Variants in PALS2 observed in about 807,000 individuals in gnomAD.
PALS2 encodes protein associated with LIN7 2, MAGUK p55 family member, also known as protein PALS2.
PALS2 carries 27 observed loss-of-function variants against 61.6 expected under a neutral mutation model. That is an observed-to-expected ratio of 0.44 (90% CI 0.32 to 0.60). The LOEUF (loss-of-function observed/expected upper bound fraction) is 0.60. Ranked by LOEUF, PALS2 falls within the 20% of genes least tolerant of loss-of-function variation. The pLI is 0.05. For synonymous variants in PALS2, 236 were observed against 218.6 expected, an observed-to-expected ratio of 1.08 and a Z score of -0.70; for missense variants, 554 against 639.4, an observed-to-expected ratio of 0.87 and a Z score of 1.44.
rs1468182748 is a variant in PALS2 at position 24,596,527 on chromosome 7, G to A, written c.-3+22934G>A. 6.6e-6 allele frequency among the ~76,000 whole-genome samples: 1 copy of A among 151,986 alleles called. No homozygotes were observed. The highest frequency in any genetic ancestry group is 2.4e-5 in the African/African-American group (1 of 41,376). The stretch of plus-strand genomic sequence containing the variant: ...TTTCACATTTATGAATGTTTATTAG[G>A]TGTGTAAAACATTTTCAAACAATTT... On this transcript the variant is annotated intron_variant, in intron 1 of 11. Coordinates refer to ENST00000222644, the MANE Select transcript of PALS2 (RefSeq NM_001303037.2). The surrounding 1 kb of genome is among the most constrained non-coding windows in gnomAD (Gnocchi z 4.5).
At chr7:24,609,986 A>G (rs192487906) in intron 1 of PALS2, among the ~76,000 whole-genome samples, 2 of 152,058 alleles carry the variant, frequency 1.3e-5, no homozygotes, top group Non-Finnish European at 2.9e-5. Context: ...TGTTTTTAAG[A>G]TGAATTCAGT....
intron 6 of PALS2, among the ~76,000 whole-genome samples, chr7:24,664,567 T>TA (rs1166950762): frequency 6.6e-6 from 1 of 152,182 alleles, no homozygotes; most frequent in African/African-American, 2.4e-5. Context: ...TAACTCACAT[T>TA]AGCTCTAAAT....
In PALS2 at chr7:24,641,946, T is replaced by C. The variant is rs915284067; in HGVS notation, c.270+78T>C. ...TCCTTTACTTTCCAGTTTAAGGTGA[T>C]GTTTTCTTCAAAGATTATTTAGGGC... On this transcript the variant is annotated intron_variant, in intron 3 of 11. Coordinates refer to ENST00000222644, the MANE Select transcript of PALS2 (RefSeq NM_001303037.2). 5 of 1,460,730 alleles carry C rather than the reference T, an allele frequency of 3.4e-6. No individual in the cohort carries two copies. The African/African-American group carries it at 7.1e-5, about 21-fold the overall frequency. 90.5% of individuals were successfully genotyped at this position (1,460,730 alleles called of 1,614,324 possible).
At chr7:24,583,449 T>A (rs1476892891) in intron 1 of PALS2, among the ~76,000 whole-genome samples, 6 of 152,148 alleles carry the variant, frequency 3.9e-5, no homozygotes, top group Non-Finnish European at 8.8e-5. Context: ...ATTAAAATGT[T>A]AGATTATCAT....
At chr7:24,600,199 G>C (rs992167919) in intron 1 of PALS2, among the ~76,000 whole-genome samples, 3 of 152,098 alleles carry the variant, frequency 2.0e-5, no homozygotes, top group Non-Finnish European at 1.5e-5. Flanking sequence ...TTTCAAACTT[G>C]TTAAGCAGCT....
chr7:24,631,621 C>A (rs1476859786), intron 2 of PALS2, among the ~76,000 whole-genome samples: 1 of 152,124 alleles, frequency 6.6e-6, no homozygotes, highest in Non-Finnish European at 1.5e-5. Flanking sequence ...AACAACATTG[C>A]ATGCTATGGA....
intron 1 of PALS2, among the ~76,000 whole-genome samples, chr7:24,581,063 A>T (rs2529038): frequency 0.4 from 61,261 of 152,028 alleles, 14,326 homozygotes; most frequent in East Asian, 0.73. Flanking sequence ...AAATCAGTAT[A>T]ATTGGGCCAA....
chr7:24,640,136 T>C (rs1785449060), intron 2 of PALS2, among the ~76,000 whole-genome samples: 1 of 152,020 alleles, frequency 6.6e-6, no homozygotes, highest in Non-Finnish European at 1.5e-5. Context: ...CTAAATCTCA[T>C]AAAACTTCTT....
chr7:24,574,585 T>C (rs557451504), intron 1 of PALS2, among the ~76,000 whole-genome samples: 1 of 152,160 alleles, frequency 6.6e-6, no homozygotes, highest in Non-Finnish European at 1.5e-5. Flanking sequence ...CAGAAAATTC[T>C]CCGCATTACT....
intron 1 of PALS2, among the ~76,000 whole-genome samples, chr7:24,574,447 C>T (rs944674317): frequency 6.6e-6 from 1 of 151,910 alleles, no homozygotes; most frequent in East Asian, 1.9e-4. Flanking sequence ...GGAGTTTATT[C>T]TCAATCCTAC....
At chr7:24,624,597 A>AGAT (rs1235854387) in intron 2 of PALS2, among the ~76,000 whole-genome samples, 1 of 98,440 alleles carries the variant, frequency 1.0e-5, no homozygotes, top group African/African-American at 6.2e-5. Flanking sequence ...TTAATGATGC[A>AGAT]GATTCTTCTT....
At chr7:24,680,217 A>T (rs1261300119) in intron 10 of PALS2, among the ~76,000 whole-genome samples, 175 bp from the exon 11 acceptor site, 1 of 152,232 alleles carries the variant, frequency 6.6e-6, no homozygotes. Flanking sequence ...AAATAAATGG[A>T]TCACTGTTTT....
At chr7:24,643,493 CTTTT>C (rs369186559) in intron 3 of PALS2, among the ~76,000 whole-genome samples, 1 of 152,066 alleles carries the variant, frequency 6.6e-6, no homozygotes, top group Middle Eastern at 3.2e-3. Flanking sequence ...TTAACTTACT[CTTTT>C]TTTAAGTTAT....
At position 24,691,395 on chromosome 7, in the gene PALS2, G is replaced by GTGTT. The variant is rs1367657209; in HGVS notation, c.*3784_*3785insTTGT. 2.9e-4 allele frequency: 32 copies of GTGTT among 111,852 alleles called. No homozygotes were observed. Among genetic ancestry groups the GTGTT allele is most frequent in the African/African-American group, 9.1e-4 (30 of 33,010 alleles). The allele number at this position is 111,852 out of a possible 1,614,324, so 6.9% of individuals were successfully genotyped here. On this transcript the variant is annotated 3_prime_UTR_variant, in exon 12 of 12. Transcript: ENST00000222644. ...GAGTTGCCATATATTATGTATGTGT[G>GTGTT]TGTGTGTGTGTATATATATATATAT...
At chr7:24,641,650 A>G (rs932708692) in intron 2 of PALS2, 66 bp from the exon 3 acceptor site, 3 of 1,369,940 alleles carry the variant, frequency 2.2e-6, no homozygotes, top group African/African-American at 2.9e-5. Flanking sequence ...CGAAAAAGAA[A>G]TAAACCATGG....
At chr7:24,580,678 G>A (rs900992203) in intron 1 of PALS2, among the ~76,000 whole-genome samples, 6 of 152,128 alleles carry the variant, frequency 3.9e-5, no homozygotes, top group Non-Finnish European at 7.4e-5. Flanking sequence ...TATACAACTG[G>A]CAAGTACACT....
At chr7:24,624,571 T>G (rs1784654162) in intron 2 of PALS2, among the ~76,000 whole-genome samples, 1 of 151,424 alleles carries the variant, frequency 6.6e-6, no homozygotes, top group South Asian at 2.1e-4. Context: ...CAAGGTTTTC[T>G]ATTAGTGAGA....
At chr7:24,611,805 A>G (rs1214512519) in intron 1 of PALS2, among the ~76,000 whole-genome samples, 1 of 151,850 alleles carries the variant, frequency 6.6e-6, no homozygotes, top group Non-Finnish European at 1.5e-5. Flanking sequence ...GGGCTGGGGT[A>G]ATACTGGTAT....
intron 2 of PALS2, among the ~76,000 whole-genome samples, chr7:24,624,682 C>G (rs556722132): frequency 2.1e-5 from 3 of 142,876 alleles, no homozygotes; most frequent in African/African-American, 8.1e-5. Context: ...TCTCAGCTCA[C>G]TGCAACCTCT....
Sources: gnomAD v4.1 joint callset for allele counts (sites outside exome capture counted in the v4.1 genomes callset) on GRCh38, gnomAD v4.1.1 for gene constraint, Gnocchi (gnomAD v3.1) non-coding constraint, MANE v1.5 for transcripts, NCBI Gene and HGNC (gene_info 2026-07-23, HGNC 2026-07-21) for gene names.